The following RBMS2 variants were observed in gnomAD, a reference collection of about 807,000 sequenced individuals.
The protein encoded by RBMS2 is RNA binding motif single stranded interacting protein 2.
Under a neutral mutation model 58.4 loss-of-function variants are expected in RBMS2, and 38 were observed. That is an observed-to-expected ratio of 0.65 (90% CI 0.50 to 0.85). The LOEUF is 0.85. Among genes scored for constraint, RBMS2 ranks in the 40% least tolerant of loss-of-function variants. The pLI is 0.00. For synonymous variants in RBMS2, 151 were observed against 180.7 expected, an observed-to-expected ratio of 0.84 and a Z score of 1.32; for missense variants, 367 against 503.7, an observed-to-expected ratio of 0.73 and a Z score of 2.60.
intron 1 of RBMS2, among the ~76,000 whole-genome samples, chr12:56,547,917 G>A (rs1271289646): frequency 6.6e-6 from 1 of 151,782 alleles, no homozygotes; most frequent in Non-Finnish European, 1.5e-5. Flanking sequence ...CTCCCAAAGT[G>A]CTGGGATTAC....
chr12:56,533,307 G>A (rs1018160380), intron 1 of RBMS2, among the ~76,000 whole-genome samples: 3 of 151,324 alleles, frequency 2.0e-5, no homozygotes, highest in African/African-American at 7.3e-5. Flanking sequence ...TCGCTATGTT[G>A]CCCAAGATGG....
Position 56,589,016 on chromosome 12 carries a change from T to TG in RBMS2, c.*6+1dup, listed in dbSNP as rs762563661. 2 of 1,614,134 alleles carry TG rather than the reference T, an allele frequency of 1.2e-6. No individual in the cohort carries two copies. Among genetic ancestry groups the TG allele is most frequent in the Non-Finnish European group, 8.5e-7 (1 of 1,180,024 alleles). On this transcript the variant is annotated splice_region_variant and 3_prime_UTR_variant, in exon 13 of 14. Transcript: ENST00000262031. ...TTCTTTCCAGTTCAACAAGTAACAG[T>TG]GGGTAAGAACCACATGCTGGGGGGC...
At position 56,554,764 on chromosome 12, in the gene RBMS2, A is replaced by G. The variant is rs937810434; in HGVS notation, c.67-7653A>G. ...GTTTTAAATAAATAAATAAAATAAAATAGTAATATTAACAGTGGTAGTGGC... is the reference window on the plus strand; with the variant it reads ...GTTTTAAATAAATAAATAAAATAAAGTAGTAATATTAACAGTGGTAGTGGC... On this transcript the variant is annotated intron_variant, in intron 1 of 13. Coordinates refer to ENST00000262031, the MANE Select transcript of RBMS2 (RefSeq NM_002898.4). 1.8e-3 allele frequency among the ~76,000 whole-genome samples: 274 copies of G among 152,172 alleles called. 2 individuals are homozygous for G. The highest frequency in any genetic ancestry group is 4.0e-4 in the Non-Finnish European group (27 of 68,038).
chr12:56,562,678 C>T, intron 2 of RBMS2, 95 bp downstream of exon 2: 2 of 1,368,458 alleles, frequency 1.5e-6, no homozygotes, highest in Non-Finnish European at 2.0e-6. Context: ...GTCTTGAACT[C>T]CTGGGCTCAA....
chr12:56,542,932 G>C (rs1565738465), intron 1 of RBMS2, among the ~76,000 whole-genome samples: 1 of 151,610 alleles, frequency 6.6e-6, no homozygotes, highest in Non-Finnish European at 1.5e-5. Flanking sequence ...TTGAGATGAA[G>C]TCTCACTCTG....
In RBMS2 at chr12:56,550,364, C is replaced by T. The variant is rs563184969; in HGVS notation, c.67-12053C>T. 2.0e-5 allele frequency among the ~76,000 whole-genome samples: 3 copies of T among 151,930 alleles called. No individual in the cohort carries two copies. The East Asian group carries it at 5.8e-4, about 29-fold the overall frequency. On this transcript the variant is annotated intron_variant, in intron 1 of 13. Transcript: ENST00000262031. ...TGAGCGACATGGTGAAACCCTGTCTCTACAAAAATACAAAAATTAGCCAGG... is the reference window on the plus strand; with the variant it reads ...TGAGCGACATGGTGAAACCCTGTCTTTACAAAAATACAAAAATTAGCCAGG...
chr12:56,525,193 T>A (rs1872440535), intron 1 of RBMS2, among the ~76,000 whole-genome samples: 3 of 152,074 alleles, frequency 2.0e-5, no homozygotes, highest in South Asian at 4.1e-4. Flanking sequence ...ATTTGTGTAT[T>A]TTCCATACTC....
intron 1 of RBMS2, among the ~76,000 whole-genome samples, chr12:56,541,424 C>T (rs963507354): frequency 6.6e-6 from 1 of 152,104 alleles, no homozygotes; most frequent in African/African-American, 2.4e-5. Context: ...GGGCTGTACT[C>T]TAACCTTTAC....
At chr12:56,567,952 G>C (rs1283161898) in intron 2 of RBMS2, among the ~76,000 whole-genome samples, 1 of 152,078 alleles carries the variant, frequency 6.6e-6, no homozygotes, top group African/African-American at 2.4e-5. Flanking sequence ...TAAAGTTGAG[G>C]TTCCTTGAAT....
At chr12:56,562,366 C>T (rs780822882) in intron 1 of RBMS2, 51 bp from the exon 2 acceptor site, 1 of 1,512,838 alleles carries the variant, frequency 6.6e-7, no homozygotes, top group Admixed American at 1.7e-5. Flanking sequence ...TCCTCACTCT[C>T]CAACATGTAA....
intron 5 of RBMS2, among the ~76,000 whole-genome samples, chr12:56,577,908 C>G (rs751359908): frequency 6.6e-6 from 1 of 151,458 alleles, no homozygotes; most frequent in Non-Finnish European, 1.5e-5. Context: ...GTCTCGAACT[C>G]CTGAGCTGAG....
intron 1 of RBMS2, among the ~76,000 whole-genome samples, chr12:56,533,408 C>CTTTTTTTTTTTTTTTTTTT (rs1164155079): frequency 3.1e-5 from 2 of 65,310 alleles, no homozygotes; most frequent in African/African-American, 1.3e-4. Flanking sequence ...AGCCCTATTA[C>CTTTTTTTTTTTTTTTTTTT]TTTTTTTTTT....
At chr12:56,530,937 G>A (rs187922447) in intron 1 of RBMS2, among the ~76,000 whole-genome samples, 1 of 152,178 alleles carries the variant, frequency 6.6e-6, no homozygotes, top group East Asian at 1.9e-4. Flanking sequence ...CATGACTGTG[G>A]CCCTTTAAGA....
At chr12:56,585,725 T>C (rs1489823317) in intron 9 of RBMS2, among the ~76,000 whole-genome samples, 8 of 152,222 alleles carry the variant, frequency 5.3e-5, no homozygotes. Flanking sequence ...GGACATATGT[T>C]TTCATTTCAC....
At position 56,594,607 on chromosome 12, in the gene RBMS2, A is replaced by G. The variant is rs538876855; in HGVS notation, c.*5474A>G. ...CCTCATTTGGTAGGCCTTCCATAGG[A>G]GTCAGCTATGGACTTCCATAGGAGT... On this transcript the variant is annotated 3_prime_UTR_variant, in exon 14 of 14. Transcript: ENST00000262031. The G allele has an allele frequency of 6.6e-6, 1 of 152,304 alleles. No individual in the cohort carries two copies. Among genetic ancestry groups the G allele is most frequent in the East Asian group, 1.9e-4 (1 of 5,186 alleles). The allele number at this position is 152,304 out of a possible 1,614,324, so 9.4% of individuals were successfully genotyped here. A position where few individuals can be genotyped will look rare whatever the true frequency, so the allele number is the denominator to read the frequency against.
rs759905660 is a variant in RBMS2 at position 56,553,394 on chromosome 12, T to G, written c.67-9023T>G. Among the ~76,000 whole-genome samples the G allele has an allele frequency of 5.7e-4, 87 of 152,160 alleles. 1 individual carries two copies. Among genetic ancestry groups the G allele is most frequent in the African/African-American group, 2.1e-3 (86 of 41,514 alleles). On this transcript the variant is annotated intron_variant, in intron 1 of 13. Coordinates refer to ENST00000262031, the MANE Select transcript of RBMS2 (RefSeq NM_002898.4). ...CCCAGGCTGGAGGGCAGTGGTGTGA[T>G]CTCTACTCACTACAACCTCCGCCTC...
intron 1 of RBMS2, among the ~76,000 whole-genome samples, chr12:56,536,454 GTC>G (rs960161139): frequency 1.3e-5 from 2 of 151,366 alleles, no homozygotes; most frequent in Admixed American, 6.6e-5. Flanking sequence ...TCCATATAGA[GTC>G]TCTGTTTCCT....
chr12:56,581,896 T>C lies in RBMS2; in HGVS notation c.779+17T>C. On this transcript the variant is annotated intron_variant, in intron 8 of 13. Coordinates refer to ENST00000262031, the MANE Select transcript of RBMS2 (RefSeq NM_002898.4). The stretch of plus-strand genomic sequence containing the variant: ...TCAGAATGGGTAAGGTTTTATATAA[T>C]CAAGCCACCTGAAAATGATAATGGC... The C allele has an allele frequency of 3.1e-6, 5 of 1,612,976 alleles. No individual in the cohort carries two copies. The highest frequency in any genetic ancestry group is 1.7e-4 in the Middle Eastern group (1 of 6,060).
At chr12:56,550,671 G>A (rs971428868) in intron 1 of RBMS2, among the ~76,000 whole-genome samples, 35 of 151,662 alleles carry the variant, frequency 2.3e-4, no homozygotes, top group Non-Finnish European at 3.2e-4. Context: ...ATGAAACCCC[G>A]TCTCTACTAA....
Sources: gnomAD v4.1 joint callset for allele counts (sites outside exome capture counted in the v4.1 genomes callset) on GRCh38, gnomAD v4.1.1 for gene constraint, MANE v1.5 for transcripts, NCBI Gene and HGNC (gene_info 2026-07-23, HGNC 2026-07-21) for gene names.